SLC22A2: variants seen among roughly 807,000 people sequenced by gnomAD.
SLC22A2 encodes the protein solute carrier family 22 member 2, also known as organic cation transporter 2.
In SLC22A2, 46 loss-of-function variants were observed where a neutral mutation model predicts 60.5. The ratio of observed to expected loss-of-function variants is 0.76; its 90% confidence interval spans 0.60 to 0.97. SLC22A2 has a LOEUF of 0.97. Among genes scored for constraint, SLC22A2 ranks in the 50% least tolerant of loss-of-function variants. The pLI is 0.00. For synonymous variants in SLC22A2, 303 were observed against 267.0 expected (o/e 1.13, Z -1.31); for missense variants, 701 against 706.6 (o/e 0.99, Z 0.09).
At chr6:160,250,434 C>T (rs1424557957) in intron 3 of SLC22A2, 114 bp downstream of exon 3, 25 of 931,052 alleles carry the variant, frequency 2.7e-5, no homozygotes, top group Admixed American at 7.3e-5. Flanking sequence ...ATAAAAAAAT[C>T]TCTCAATATT....
intron 9 of SLC22A2, among the ~76,000 whole-genome samples, chr6:160,239,172 C>T (rs1782959360): frequency 6.6e-6 from 1 of 152,184 alleles, no homozygotes; most frequent in Admixed American, 6.6e-5. Context: ...GACACTCCCA[C>T]CAGCACCATG....
chr6:160,228,781 A>G (rs1350055550), intron 9 of SLC22A2, among the ~76,000 whole-genome samples: 1 of 151,886 alleles, frequency 6.6e-6, no homozygotes, highest in East Asian at 1.9e-4. Flanking sequence ...AACTGATGAC[A>G]TTACCTTGTG....
At chr6:160,240,778 A>T (rs1402919814) in intron 9 of SLC22A2, among the ~76,000 whole-genome samples, 1 of 152,122 alleles carries the variant, frequency 6.6e-6, no homozygotes, top group Non-Finnish European at 1.5e-5. Flanking sequence ...TCACATATTC[A>T]ATTAAAAGCA....
At chr6:160,225,046 T>C (rs866370754) in intron 9 of SLC22A2, among the ~76,000 whole-genome samples, 38 of 152,220 alleles carry the variant, frequency 2.5e-4, no homozygotes, top group African/African-American at 8.4e-4. Context: ...AAGGTTATTC[T>C]AGGGTAGAGG....
At chr6:160,222,493 A>G (rs1423790359) in intron 10 of SLC22A2, among the ~76,000 whole-genome samples, 1 of 152,244 alleles carries the variant, frequency 6.6e-6, no homozygotes, top group Non-Finnish European at 1.5e-5. Flanking sequence ...AAGGAACTTC[A>G]GCATTTATTC....
intron 9 of SLC22A2, among the ~76,000 whole-genome samples, chr6:160,227,855 C>A (rs1220419181): frequency 1.3e-5 from 2 of 152,162 alleles, no homozygotes; most frequent in Non-Finnish European, 2.9e-5. Flanking sequence ...CTATAACCCA[C>A]CAAAACCAAG....
chr6:160,241,389 C>A, intron 9 of SLC22A2, 85 bp downstream of exon 9: 1 of 814,546 alleles, frequency 1.2e-6, no homozygotes, highest in Non-Finnish European at 2.1e-6. Context: ...ATAGGCATGA[C>A]ACCTGTTTTG....
intron 9 of SLC22A2, among the ~76,000 whole-genome samples, chr6:160,230,264 C>T (rs1206870315): frequency 6.6e-6 from 1 of 151,986 alleles, no homozygotes; most frequent in Non-Finnish European, 1.5e-5. Flanking sequence ...CTAGCCCTCC[C>T]CCACCTGCCC....
chr6:160,246,371 G>A (rs751655873), intron 5 of SLC22A2, among the ~76,000 whole-genome samples: 6 of 152,180 alleles, frequency 3.9e-5, no homozygotes, highest in Non-Finnish European at 7.3e-5. Flanking sequence ...TCAACGTGGT[G>A]AGATCTACTA....
intron 2 of SLC22A2, among the ~76,000 whole-genome samples, chr6:160,253,259 C>T (rs1404402734): frequency 6.6e-6 from 1 of 152,140 alleles, no homozygotes; most frequent in African/African-American, 2.4e-5. Flanking sequence ...TAATTATATG[C>T]AAATTAATTT....
At chr6:160,235,198 T>C (rs1266766089) in intron 9 of SLC22A2, among the ~76,000 whole-genome samples, 5 of 152,262 alleles carry the variant, frequency 3.3e-5, no homozygotes, top group Admixed American at 6.5e-5. Flanking sequence ...TATTTTTCAT[T>C]GCATTATCTG....
At chr6:160,254,080 TCAACCTGGC>T (rs1783229837) in intron 2 of SLC22A2, among the ~76,000 whole-genome samples, 1 of 152,116 alleles carries the variant, frequency 6.6e-6, no homozygotes. Flanking sequence ...TAGTTCGAGA[TCAACCTGGC>T]CAACATGGTG....
Position 160,216,802 on chromosome 6 carries a change from T to C in SLC22A2, c.*630A>G, listed in dbSNP as rs557913654. On this transcript the variant is annotated 3_prime_UTR_variant, in exon 11 of 11. Coordinates refer to ENST00000366953, the MANE Select transcript of SLC22A2 (RefSeq NM_003058.4). ...TTTATTGAACTCTTCTCAAGGTCTT[T>C]TGTAGAAAATACACATTCATGCTTA... 1 of 152,254 alleles carries C rather than the reference T, an allele frequency of 6.6e-6. No individual in the cohort carries two copies. Among genetic ancestry groups the C allele is most frequent in the East Asian group, 1.9e-4 (1 of 5,194 alleles). 9.4% of individuals were successfully genotyped at this position (152,254 alleles called of 1,614,324 possible). A position where few individuals can be genotyped will look rare whatever the true frequency, so the allele number is the denominator to read the frequency against.
chr6:160,250,609 T>G lies in SLC22A2; in HGVS notation c.612A>C (p.Leu204Phe), dbSNP rs764439436. ...MAISPTYTWM[L>F]IFRLIQGLVS... ...CCAGTCCTTGGATTAAGCGAAAAAT[T>G]AACATCCACGTATAGGTTGGGGAAA... Residue 204 changes from leucine (L) to phenylalanine (F), a missense_variant, in exon 3 of 11, where the codon TTA becomes TTC. Coordinates refer to ENST00000366953, the MANE Select transcript of SLC22A2 (RefSeq NM_003058.4). The G allele has an allele frequency of 9.9e-6, 16 of 1,614,040 alleles. No individual in the cohort carries two copies. The highest frequency in any genetic ancestry group is 1.3e-5 in the Non-Finnish European group (15 of 1,179,960).
chr6:160,254,564 T>C (rs1430963258), intron 2 of SLC22A2, among the ~76,000 whole-genome samples: 1 of 152,232 alleles, frequency 6.6e-6, no homozygotes, highest in Non-Finnish European at 1.5e-5. Flanking sequence ...TCCTATTGTA[T>C]AAAATCTGGA....
rs774385091 is a variant in SLC22A2 at position 160,243,557 on chromosome 6, T to C, written c.1279+15A>G. On this transcript the variant is annotated intron_variant, in intron 7 of 10. Transcript: ENST00000366953. Reference sequence around the variant, plus strand: ...GGGTCTTGGAGATAAGACTCCAACTTCACCTGAAACTTACCACCAGGTATA... The same window carrying C: ...GGGTCTTGGAGATAAGACTCCAACTCCACCTGAAACTTACCACCAGGTATA... 1.9e-6 allele frequency: 3 copies of C among 1,590,682 alleles called. No homozygotes were observed. The highest frequency in any genetic ancestry group is 1.3e-5 in the African/African-American group (1 of 74,426).
intron 9 of SLC22A2, among the ~76,000 whole-genome samples, chr6:160,234,365 C>A (rs746441806): frequency 3.4e-4 from 51 of 152,174 alleles, no homozygotes; most frequent in Admixed American, 5.9e-4. Flanking sequence ...GCGGATAGGA[C>A]TGCTGGAAAA....
intron 2 of SLC22A2, among the ~76,000 whole-genome samples, chr6:160,251,808 A>G (rs1410191585): frequency 6.6e-6 from 1 of 152,344 alleles, no homozygotes; most frequent in East Asian, 1.9e-4. Context: ...GAAGGTGTCA[A>G]ATACTAACCA....
At chr6:160,251,593 G>A (rs316013) in intron 2 of SLC22A2, among the ~76,000 whole-genome samples, 109,270 of 151,990 alleles carry the variant, frequency 0.72, 40,353 homozygotes, top group Admixed American at 0.82. Context: ...TGTTATTTTC[G>A]CCATGTCCTG....
Sources: gnomAD v4.1 joint callset for allele counts (sites outside exome capture counted in the v4.1 genomes callset) on GRCh38, gnomAD v4.1.1 for gene constraint, MANE v1.5 for transcripts, NCBI Gene and HGNC (gene_info 2026-07-23, HGNC 2026-07-21) for gene names.